The following DCAF8L2 variants were observed in gnomAD, a reference collection of about 807,000 sequenced individuals.
DCAF8L2 encodes DDB1- and CUL4-associated factor 8-like protein 2.
For synonymous variants in DCAF8L2, 200 were observed against 190.9 expected, an observed-to-expected ratio of 1.05 and a Z score of -0.39; for missense variants, 430 against 490.7, an observed-to-expected ratio of 0.88 and a Z score of 1.17.
the DCAF8L2 span, among the ~76,000 whole-genome samples, chrX:27,554,384 T>G: frequency 8.9e-6 from 1 of 111,752 alleles, no homozygotes; most frequent in Non-Finnish European, 1.9e-5. Context: ...TTTCCAACCC[T>G]GGCACATTTG....
At chrX:27,565,685 G>A in the DCAF8L2 span, among the ~76,000 whole-genome samples, 1 of 111,603 alleles carries the variant, frequency 9.0e-6, no homozygotes, top group Non-Finnish European at 1.9e-5. Flanking sequence ...CAGTCTCATT[G>A]TCTGAGGTAT....
the DCAF8L2 span, among the ~76,000 whole-genome samples, chrX:27,561,947 A>G: frequency 4.5e-5 from 5 of 111,934 alleles, no homozygotes; most frequent in South Asian, 3.7e-4. Context: ...GTAAAATTAC[A>G]GGATCATATG....
the DCAF8L2 span, among the ~76,000 whole-genome samples, chrX:27,487,199 T>C: frequency 8.9e-6 from 1 of 112,334 alleles, no homozygotes; most frequent in South Asian, 3.7e-4. Context: ...TTTACACCAG[T>C]TATTCTCTTC....
At chrX:27,514,017 G>A in the DCAF8L2 span, among the ~76,000 whole-genome samples, 1 of 111,964 alleles carries the variant, frequency 8.9e-6, no homozygotes, top group African/African-American at 3.2e-5. Flanking sequence ...TATATCGAAA[G>A]GGAATGACAT....
chrX:27,556,540 A>T, the DCAF8L2 span, among the ~76,000 whole-genome samples: 5 of 112,076 alleles, frequency 4.5e-5, no homozygotes, highest in African/African-American at 3.2e-5. Flanking sequence ...TTTCCAAATT[A>T]TGATTCTCAC....
intron 2 of DCAF8L2, among the ~76,000 whole-genome samples, chrX:27,641,419 C>T (rs1188767477): frequency 1.8e-5 from 2 of 110,068 alleles, no homozygotes; most frequent in East Asian, 5.7e-4. Flanking sequence ...CTGTTCCCAA[C>T]ATAAAGCCTG....
At chrX:27,532,198 A>C in the DCAF8L2 span, among the ~76,000 whole-genome samples, 1 of 111,077 alleles carries the variant, frequency 9.0e-6, no homozygotes, top group Non-Finnish European at 1.9e-5. Flanking sequence ...TCTAAATACT[A>C]TTCTTTACTA....
chrX:27,610,445 ATACT>A (rs1927105149), intron 1 of DCAF8L2, among the ~76,000 whole-genome samples: 1 of 110,993 alleles, frequency 9.0e-6, no homozygotes, highest in Admixed American at 9.7e-5. Context: ...TATATAATAA[ATACT>A]TATTTTAACG....
At chrX:27,573,847 T>TTC in the DCAF8L2 span, among the ~76,000 whole-genome samples, 12 of 107,812 alleles carry the variant, frequency 1.1e-4, no homozygotes, top group African/African-American at 1.7e-4. Context: ...ATGCACTTCT[T>TTC]TCTCTCTCTC....
intron 3 of DCAF8L2, among the ~76,000 whole-genome samples, chrX:27,680,730 CTT>C (rs1225658295): frequency 9.0e-6 from 1 of 110,682 alleles, no homozygotes; most frequent in East Asian, 2.9e-4. Context: ...AGAACTGGCA[CTT>C]TAATACTTTC....
the DCAF8L2 span, among the ~76,000 whole-genome samples, chrX:27,514,817 A>G: frequency 2.7e-5 from 3 of 110,671 alleles, no homozygotes; most frequent in Non-Finnish European, 5.7e-5. Context: ...TCTCACTCAT[A>G]TGTGGAATCT....
intron 2 of DCAF8L2, among the ~76,000 whole-genome samples, chrX:27,643,419 CT>C (rs374243673): frequency 2.9e-4 from 32 of 111,465 alleles, no homozygotes; most frequent in African/African-American, 9.4e-4. Context: ...AAGAGCTATT[CT>C]TTTTTTGTAC....
At chrX:27,693,635 G>T (rs12392312) in intron 3 of DCAF8L2, among the ~76,000 whole-genome samples, 6,966 of 110,660 alleles carry the variant, frequency 0.063, 517 homozygotes, top group African/African-American at 0.22. Flanking sequence ...AATAATCTGA[G>T]AAGTGCAAAT....
At chrX:27,626,322 CAAG>C (rs1928006289) in intron 1 of DCAF8L2, among the ~76,000 whole-genome samples, 1 of 111,960 alleles carries the variant, frequency 8.9e-6, no homozygotes. Flanking sequence ...CTCCAGAAGC[CAAG>C]AAGAAGGCTT....
chrX:27,709,212 G>C (rs761591330), intron 3 of DCAF8L2, among the ~76,000 whole-genome samples: 9 of 112,109 alleles, frequency 8.0e-5, no homozygotes, highest in African/African-American at 2.6e-4. Context: ...GAGCCACCGC[G>C]CCCGACCAGT....
chrX:27,521,065 C>T, the DCAF8L2 span, among the ~76,000 whole-genome samples: 4 of 111,800 alleles, frequency 3.6e-5, no homozygotes, highest in Non-Finnish European at 5.6e-5. Context: ...GTTATAAAAA[C>T]GATAATTGTA....
chrX:27,524,290 C>A, the DCAF8L2 span, among the ~76,000 whole-genome samples: 225 of 112,071 alleles, frequency 2.0e-3, no homozygotes, highest in Non-Finnish European at 3.0e-3. Context: ...TTATCCATTT[C>A]TTCTAGATTT....
At chrX:27,540,994 A>C in the DCAF8L2 span, among the ~76,000 whole-genome samples, 1 of 112,353 alleles carries the variant, frequency 8.9e-6, no homozygotes, top group Admixed American at 9.4e-5. Flanking sequence ...CATCAGAGTG[A>C]AGGAAACCAA....
intron 1 of DCAF8L2, among the ~76,000 whole-genome samples, chrX:27,615,922 T>A (rs1927452998): frequency 9.0e-6 from 1 of 111,278 alleles, no homozygotes; most frequent in Admixed American, 9.6e-5. Flanking sequence ...CAGTGTTTTT[T>A]AATATTTTTA....
Sources: allele counts gnomAD v4.1 joint callset (sites outside exome capture counted in the v4.1 genomes callset), GRCh38; gene constraint gnomAD v4.1.1; transcripts MANE v1.5; gene names NCBI Gene and HGNC (gene_info 2026-07-23, HGNC 2026-07-21).